The following GRIK1 variants were observed in gnomAD, a reference collection of about 807,000 sequenced individuals.
GRIK1 encodes the protein glutamate ionotropic receptor kainate type subunit 1.
Under a neutral mutation model 105.7 loss-of-function variants are expected in GRIK1, and 69 were observed. That is an observed-to-expected ratio of 0.65 (90% confidence interval 0.54 to 0.80). The LOEUF is 0.80. Ranked by LOEUF, GRIK1 falls within the 30% of genes least tolerant of loss-of-function variation. The probability of loss-of-function intolerance (pLI) is 0.00; values close to 1 mark genes in which losing one functional copy is unlikely to be tolerated. For missense variants in GRIK1, 1,109 were observed against 1,167.3 expected (o/e 0.95, Z 0.73); for synonymous variants, 438 against 431.3 (o/e 1.02, Z -0.19).
At chr21:29,649,018 G>A (rs1449094423) in intron 6 of GRIK1, among the ~76,000 whole-genome samples, 2 of 152,204 alleles carry the variant, frequency 1.3e-5, no homozygotes, top group East Asian at 3.9e-4. Flanking sequence ...CTGGGTTTGG[G>A]GTCATAAGTT....
intron 15 of GRIK1, among the ~76,000 whole-genome samples, chr21:29,556,754 A>G (rs1388432486): frequency 6.6e-6 from 1 of 152,236 alleles, no homozygotes; most frequent in African/African-American, 2.4e-5. Flanking sequence ...ACCACAAAAT[A>G]GAAGGAACTT....
intron 8 of GRIK1, among the ~76,000 whole-genome samples, chr21:29,598,063 A>G (rs184814627): frequency 6.6e-6 from 1 of 152,160 alleles, no homozygotes; most frequent in South Asian, 2.1e-4. Flanking sequence ...TGGGGGTTTC[A>G]ATTGTTTTTC....
chr21:29,674,309 G>A (rs1358818630), intron 3 of GRIK1, among the ~76,000 whole-genome samples: 1 of 151,286 alleles, frequency 6.6e-6, no homozygotes, highest in African/African-American at 2.4e-5. Context: ...GTGTGTGTGT[G>A]TGTGGCTCAG....
At chr21:29,884,494 G>T (rs1305383846) in intron 1 of GRIK1, among the ~76,000 whole-genome samples, 1 of 151,914 alleles carries the variant, frequency 6.6e-6, no homozygotes, top group Non-Finnish European at 1.5e-5. Context: ...GAAACAGAAA[G>T]GAAATTACTA....
intron 1 of GRIK1, among the ~76,000 whole-genome samples, chr21:29,818,647 G>A (rs1392844855): frequency 6.6e-6 from 1 of 152,082 alleles, no homozygotes; most frequent in Non-Finnish European, 1.5e-5. Context: ...GATATTGCCT[G>A]CTCCTGGGAT....
intron 12 of GRIK1, among the ~76,000 whole-genome samples, chr21:29,586,648 CA>C (rs2091136464): frequency 6.6e-6 from 1 of 152,076 alleles, no homozygotes; most frequent in Non-Finnish European, 1.5e-5. Flanking sequence ...AATTTAGCAT[CA>C]AAAGTATTCA....
intron 2 of GRIK1, among the ~76,000 whole-genome samples, chr21:29,692,015 G>T (rs554266568): frequency 7.9e-5 from 12 of 152,292 alleles, no homozygotes; most frequent in Admixed American, 6.5e-4. Context: ...GAGAGTATGG[G>T]AGTGTGTGAA....
chr21:29,623,941 A>G (rs944732401), intron 7 of GRIK1, among the ~76,000 whole-genome samples: 1 of 152,348 alleles, frequency 6.6e-6, no homozygotes. Context: ...TCTTGTTGAC[A>G]TAATGTGGAT....
At chr21:29,682,722 G>T (rs2063403961) in intron 3 of GRIK1, among the ~76,000 whole-genome samples, 1 of 152,070 alleles carries the variant, frequency 6.6e-6, no homozygotes, top group Non-Finnish European at 1.5e-5. Flanking sequence ...ATTGTTTTTG[G>T]TAAAGAAGTC....
rs1172903701 is a variant in GRIK1 at position 29,724,321 on chromosome 21, T to C, written c.119-30258A>G. ...TACATCACTGGCCCTTCCTATGTTG[T>C]AGGCGAGAGTTAGGTCAGGTGTCTG... On this transcript the variant is annotated intron_variant, in intron 1 of 17. Transcript: ENST00000327783. Among the ~76,000 whole-genome samples, 23 of 150,902 alleles carry C rather than the reference T, an allele frequency of 1.5e-4. No homozygotes were observed. The Admixed American group carries it at 1.5e-3, about 10-fold the overall frequency.
intron 1 of GRIK1, among the ~76,000 whole-genome samples, chr21:29,936,952 T>A (rs543890277): frequency 4.7e-4 from 71 of 152,354 alleles, no homozygotes; most frequent in African/African-American, 1.5e-3. Context: ...TGCCAGTTAA[T>A]AATCTAGAGA....
At chr21:29,938,447 C>A (rs553864313) in intron 1 of GRIK1, among the ~76,000 whole-genome samples, 1 of 152,174 alleles carries the variant, frequency 6.6e-6, no homozygotes, top group Non-Finnish European at 1.5e-5. Flanking sequence ...GTTTAAAAGG[C>A]GAAGAGCTGT....
chr21:29,736,484 C>A (rs1006606281), intron 1 of GRIK1, among the ~76,000 whole-genome samples: 1 of 152,148 alleles, frequency 6.6e-6, no homozygotes, highest in African/African-American at 2.4e-5. Flanking sequence ...CCTCCTCAGC[C>A]TCCCAAAGTG....
At chr21:29,635,504 A>G (rs2062378477) in intron 7 of GRIK1, among the ~76,000 whole-genome samples, 1 of 152,180 alleles carries the variant, frequency 6.6e-6, no homozygotes, top group Admixed American at 6.5e-5. Flanking sequence ...GAGAAGTCTG[A>G]AATAGGTTCA....
chr21:29,916,765 G>A (rs377300241), intron 1 of GRIK1, among the ~76,000 whole-genome samples: 12 of 151,946 alleles, frequency 7.9e-5, no homozygotes, highest in African/African-American at 2.9e-4. Context: ...ATATCACTGG[G>A]TTTAATACAC....
At chr21:29,562,868 A>G (rs1205673581) in intron 14 of GRIK1, among the ~76,000 whole-genome samples, 1 of 95,084 alleles carries the variant, frequency 1.1e-5, no homozygotes, top group Non-Finnish European at 2.1e-5. Flanking sequence ...ATACATATGT[A>G]CCACTGCTTC....
chr21:29,716,365 T>C (rs1158853446), intron 1 of GRIK1, among the ~76,000 whole-genome samples: 1 of 152,086 alleles, frequency 6.6e-6, no homozygotes, highest in Non-Finnish European at 1.5e-5. Flanking sequence ...TGGAACAGTG[T>C]GGAGGGCTTA....
intron 7 of GRIK1, among the ~76,000 whole-genome samples, chr21:29,618,316 C>T (rs2061899001): frequency 6.6e-6 from 1 of 152,152 alleles, no homozygotes; most frequent in South Asian, 2.1e-4. Context: ...GCGATACCAC[C>T]TTACTCCCGC....
At chr21:29,830,296 C>T (rs1411872065) in intron 1 of GRIK1, among the ~76,000 whole-genome samples, 1 of 147,980 alleles carries the variant, frequency 6.8e-6, no homozygotes, top group Non-Finnish European at 1.5e-5. Context: ...GATACACACC[C>T]ACCCACCTCC....
Sources: allele counts gnomAD v4.1 joint callset (sites outside exome capture counted in the v4.1 genomes callset), GRCh38; gene constraint gnomAD v4.1.1; transcripts MANE v1.5; gene names NCBI Gene and HGNC (gene_info 2026-07-23, HGNC 2026-07-21).